DNAH7: variants seen among roughly 807,000 people sequenced by gnomAD.
The protein encoded by DNAH7 is dynein axonemal heavy chain 7.
In DNAH7, 397 loss-of-function variants were observed where a neutral mutation model predicts 444.6. That is an observed-to-expected ratio of 0.89 (90% CI 0.82 to 0.97). The LOEUF (loss-of-function observed/expected upper bound fraction) is 0.97, where lower values mean the gene tolerates loss of function less well. Ranked by LOEUF, DNAH7 falls within the 50% of genes least tolerant of loss-of-function variation. The pLI, the probability that DNAH7 is intolerant of heterozygous loss-of-function variation, is 0.00. For synonymous variants in DNAH7, 1,636 were observed against 1,624.4 expected (o/e 1.01, Z -0.17); for missense variants, 4,902 against 4,800.8 (o/e 1.02, Z -0.62).
At chr2:195,759,026 G>A (rs561867447) in intron 61 of DNAH7, among the ~76,000 whole-genome samples, 4 of 152,264 alleles carry the variant, frequency 2.6e-5, no homozygotes, top group South Asian at 2.1e-4. Context: ...AGTGGCTTGC[G>A]GGGGGCATGC....
intron 24 of DNAH7, among the ~76,000 whole-genome samples, chr2:195,920,369 G>A (rs1460887263): frequency 6.6e-6 from 1 of 152,156 alleles, no homozygotes; most frequent in African/African-American, 2.4e-5. Flanking sequence ...TAGGCACATA[G>A]GCACACAGAC....
At chr2:195,828,855 T>A (rs977888740) in intron 48 of DNAH7, among the ~76,000 whole-genome samples, 1 of 152,060 alleles carries the variant, frequency 6.6e-6, no homozygotes, top group African/African-American at 2.4e-5. Context: ...TTATAGTGCA[T>A]CAAAGCCTTA....
At chr2:195,948,471 A>T (rs1238369097) in intron 19 of DNAH7, among the ~76,000 whole-genome samples, 1 of 152,130 alleles carries the variant, frequency 6.6e-6, no homozygotes. Flanking sequence ...TTTTTGTATA[A>T]GGTGTAAGGA....
chr2:196,034,461 C>A (rs1575070134), intron 5 of DNAH7, among the ~76,000 whole-genome samples: 1 of 152,150 alleles, frequency 6.6e-6, no homozygotes, highest in East Asian at 1.9e-4. Flanking sequence ...TCCAAAAATT[C>A]ATTCACAGTC....
At chr2:195,852,927 G>C (rs879487184) in intron 46 of DNAH7, among the ~76,000 whole-genome samples, 3,480 of 149,388 alleles carry the variant, frequency 0.023, 53 homozygotes, top group Non-Finnish European at 0.029. Context: ...GAGAGAGAGA[G>C]AGAGAGAGAG....
chr2:195,993,753 A>G (rs1011068186), intron 12 of DNAH7, among the ~76,000 whole-genome samples: 95 of 152,226 alleles, frequency 6.2e-4, no homozygotes, highest in Non-Finnish European at 1.3e-3. Flanking sequence ...ATACTTTTGC[A>G]TGACTTCAAG....
At chr2:195,931,041 G>T (rs1688657576) in intron 21 of DNAH7, among the ~76,000 whole-genome samples, 1 of 152,070 alleles carries the variant, frequency 6.6e-6, no homozygotes, top group African/African-American at 2.4e-5. Context: ...CAAGGAGGAG[G>T]AAGAGAGGGG....
chr2:195,817,905 G>A (rs551580553), intron 49 of DNAH7, 76 bp from the exon 50 acceptor site: 1 of 1,182,230 alleles, frequency 8.5e-7, no homozygotes, highest in East Asian at 2.6e-5. Flanking sequence ...GTCAAGTTCT[G>A]CCCTTAAAAT....
At position 195,737,789 on chromosome 2, in the gene DNAH7, TAAGTA is replaced by T; in HGVS notation, c.*127_*131del. ...TATTAAGTTTAGCTGCATTTGCTCA[TAAGTA>T]AATTCATAATTATAACTTTAGTCAA... is the stretch of plus-strand genomic sequence containing the variant. On this transcript the variant is annotated 3_prime_UTR_variant, in exon 65 of 65. Transcript: ENST00000312428. 1 of 759,220 alleles carries T rather than the reference TAAGTA, an allele frequency of 1.3e-6. No individual in the cohort carries two copies. Among genetic ancestry groups the T allele is most frequent in the Non-Finnish European group, 2.1e-6 (1 of 479,852 alleles). 47.0% of individuals were successfully genotyped at this position (759,220 alleles called of 1,614,324 possible).
intron 63 of DNAH7, among the ~76,000 whole-genome samples, chr2:195,749,416 C>T (rs10931710): frequency 6.6e-6 from 1 of 151,396 alleles, no homozygotes; most frequent in Admixed American, 6.6e-5. Flanking sequence ...TTGTGGAAGT[C>T]AGTGTGGCGA....
intron 49 of DNAH7, among the ~76,000 whole-genome samples, chr2:195,819,234 T>G (rs1257583143): frequency 6.6e-6 from 1 of 152,102 alleles, no homozygotes; most frequent in Non-Finnish European, 1.5e-5. Flanking sequence ...CTTTCTGCAC[T>G]TCCTCATAGG....
intron 63 of DNAH7, among the ~76,000 whole-genome samples, chr2:195,754,120 A>G (rs1353700195): frequency 2.6e-5 from 4 of 151,854 alleles, no homozygotes; most frequent in African/African-American, 7.3e-5. Flanking sequence ...TTCTTCCCCT[A>G]TTTGCTTGAT....
chr2:196,000,887 CA>C lies in DNAH7; in HGVS notation c.1174-5del. ...GTTCAAAAGCTCTAACAGAATCCTG[CA>C]AAAAATTAAAAAATTTACATACATA... On this transcript the variant is annotated splice_region_variant and splice_polypyrimidine_tract_variant and intron_variant, in intron 11 of 64. Transcript: ENST00000312428. The C allele has an allele frequency of 2.6e-6, 4 of 1,551,160 alleles. No individual in the cohort carries two copies. The highest frequency in any genetic ancestry group is 3.5e-6 in the Non-Finnish European group (4 of 1,153,558).
At chr2:195,740,982 C>T in intron 63 of DNAH7, 113 bp from the exon 64 acceptor site, 1 of 460,444 alleles carries the variant, frequency 2.2e-6, no homozygotes, top group Non-Finnish European at 3.6e-6. Flanking sequence ...GATTTGCAGC[C>T]TAAGATTTGT....
rs1025250057 is a variant in DNAH7, at chr2:196,001,712, G to A, written c.1136C>T (p.Ser379Phe). The A allele has an allele frequency of 1.3e-6, 2 of 1,592,288 alleles. No homozygotes were observed. The highest frequency in any genetic ancestry group is 1.7e-6 in the Non-Finnish European group (2 of 1,169,948). Reference sequence around the variant, plus strand: ...AATTAAGTCCGTGAAATCTTGCATGGAGACTAAAGTGAGGTCCTGCAGCTG... The same window carrying A: ...AATTAAGTCCGTGAAATCTTGCATGAAGACTAAAGTGAGGTCCTGCAGCTG... ...TLQLQDLTLV[S>F]MQDFTDLIAQ... Residue 379 changes from serine (S) to phenylalanine (F), a missense_variant, in exon 11 of 65, where the codon TCC (serine) becomes TTC (phenylalanine). By Grantham distance (155) the Ser-to-Phe change is radical. Coordinates refer to ENST00000312428, the MANE Select transcript of DNAH7 (RefSeq NM_018897.3).
Position 196,048,417 on chromosome 2 carries a change from A to T in DNAH7, c.142-13T>A. ...GCTTTGTACTCACCTAAAATACAAA[A>T]TTTAAATAGCATTAACAAACAATAT... is the stretch of plus-strand genomic sequence containing the variant. On this transcript the variant is annotated splice_polypyrimidine_tract_variant and intron_variant, in intron 3 of 64. Transcript: ENST00000312428. 6.2e-7 allele frequency: 1 copy of T among 1,606,912 alleles called. No homozygotes were observed. The highest frequency in any genetic ancestry group is 1.1e-5 in the South Asian group (1 of 90,382).
At chr2:195,965,742 T>C (rs970469117) in intron 17 of DNAH7, among the ~76,000 whole-genome samples, 1 of 152,186 alleles carries the variant, frequency 6.6e-6, no homozygotes, top group African/African-American at 2.4e-5. Context: ...GATTTTCCTA[T>C]TTATTGGCAT....
intron 25 of DNAH7, among the ~76,000 whole-genome samples, chr2:195,907,241 AT>A (rs148930748): frequency 3.3e-4 from 49 of 148,518 alleles, no homozygotes; most frequent in Admixed American, 6.7e-4. Flanking sequence ...TCCTTTCTGC[AT>A]TTTTTTTTTA....
chr2:195,806,409 C>A (rs967160123), intron 54 of DNAH7, among the ~76,000 whole-genome samples: 1 of 152,144 alleles, frequency 6.6e-6, no homozygotes, highest in Non-Finnish European at 1.5e-5. Flanking sequence ...GTTGACATCA[C>A]TGACTAATTT....
Sources: gnomAD v4.1 joint callset for allele counts (sites outside exome capture counted in the v4.1 genomes callset) on GRCh38, gnomAD v4.1.1 for gene constraint, MANE v1.5 for transcripts, NCBI Gene and HGNC (gene_info 2026-07-23, HGNC 2026-07-21) for gene names.